The following LRRC4C variants were observed in gnomAD, a reference collection of about 807,000 sequenced individuals.
LRRC4C encodes leucine-rich repeat-containing protein 4C.
In LRRC4C, 5 loss-of-function variants were observed where a neutral mutation model predicts 33.6. The observed-to-expected ratio is 0.15, with a 90% CI of 0.08 to 0.31. LRRC4C has a LOEUF of 0.31. Ranked by LOEUF, LRRC4C falls within the 10% of genes least tolerant of loss-of-function variation. The pLI is 1.00. For missense variants in LRRC4C, 560 were observed against 796.7 expected, an observed-to-expected ratio of 0.70 and a Z score of 3.58; for synonymous variants, 329 against 302.0, an observed-to-expected ratio of 1.09 and a Z score of -0.93.
intron 1 of LRRC4C, among the ~76,000 whole-genome samples, chr11:41,157,263 A>G (rs1312525477): frequency 6.6e-6 from 1 of 152,134 alleles, no homozygotes. Context: ...ATAAGGCAGG[A>G]TGCATGATAG....
chr11:40,278,702 G>A (rs1274821688), intron 4 of LRRC4C, among the ~76,000 whole-genome samples: 1 of 152,106 alleles, frequency 6.6e-6, no homozygotes, highest in Non-Finnish European at 1.5e-5. Flanking sequence ...TTACAGAGAA[G>A]TACAAATAAA....
chr11:40,153,542 A>T (rs560162436), intron 5 of LRRC4C, among the ~76,000 whole-genome samples: 2 of 151,906 alleles, frequency 1.3e-5, no homozygotes, highest in Non-Finnish European at 2.9e-5. Flanking sequence ...ACAAAAAATG[A>T]TATTAAGAAG....
At chr11:41,214,808 T>A (rs948757518) in intron 1 of LRRC4C, among the ~76,000 whole-genome samples, 1 of 146,512 alleles carries the variant, frequency 6.8e-6, no homozygotes, top group African/African-American at 2.5e-5. Context: ...TATATATGTG[T>A]GTGTGTATAT....
At chr11:40,482,612 G>C (rs1953638927) in intron 3 of LRRC4C, among the ~76,000 whole-genome samples, 2 of 152,036 alleles carry the variant, frequency 1.3e-5, no homozygotes, top group Admixed American at 1.3e-4. Context: ...TGGGACTACA[G>C]GCATGCATCC....
intron 3 of LRRC4C, among the ~76,000 whole-genome samples, chr11:40,488,437 C>G (rs1307032938): frequency 6.6e-6 from 1 of 152,058 alleles, no homozygotes; most frequent in Admixed American, 6.6e-5. Flanking sequence ...GAAATAGAGT[C>G]TTTTTTATCA....
intron 1 of LRRC4C, among the ~76,000 whole-genome samples, chr11:41,229,106 G>A (rs541294712): frequency 6.6e-6 from 1 of 152,026 alleles, no homozygotes; most frequent in East Asian, 1.9e-4. Flanking sequence ...ACCTTCATGG[G>A]GGTCATTATG....
At chr11:40,620,910 T>C (rs1962387027) in intron 3 of LRRC4C, among the ~76,000 whole-genome samples, 1 of 151,764 alleles carries the variant, frequency 6.6e-6, no homozygotes, top group Non-Finnish European at 1.5e-5. Context: ...TTCACAGCTG[T>C]CTTTCAGAGA....
chr11:40,552,100 A>C lies in LRRC4C; in HGVS notation c.-270+96042T>G, dbSNP rs12285493. ...GCTTGTCCCTGGGTCTCCAGCCTGC[A>C]GGCCTACCTTGCATATTTTGGACTT... On this transcript the variant is annotated intron_variant, in intron 3 of 6. Coordinates refer to ENST00000528697, the MANE Select transcript of LRRC4C (RefSeq NM_001258419.2). Among the ~76,000 whole-genome samples the C allele has an allele frequency of 6.8e-3, 1,042 of 152,318 alleles. 19 individuals are homozygous for C. The highest frequency in any genetic ancestry group is 0.024 in the African/African-American group (998 of 41,576).
chr11:40,637,043 C>A (rs1941794755), intron 3 of LRRC4C, among the ~76,000 whole-genome samples: 1 of 152,204 alleles, frequency 6.6e-6, no homozygotes, highest in Admixed American at 6.5e-5. Context: ...GCCCCCAGAG[C>A]AGCAAGGCTT....
chr11:40,400,402 A>G (rs1949713767), intron 3 of LRRC4C, among the ~76,000 whole-genome samples: 1 of 152,058 alleles, frequency 6.6e-6, no homozygotes, highest in African/African-American at 2.4e-5. Flanking sequence ...TAAAATTACA[A>G]TATATTTAAA....
At chr11:40,812,890 A>G (rs960737285) in intron 2 of LRRC4C, among the ~76,000 whole-genome samples, 1 of 152,210 alleles carries the variant, frequency 6.6e-6, no homozygotes, top group African/African-American at 2.4e-5. Flanking sequence ...AGTGAATCTG[A>G]AAGAGAAACA....
At chr11:41,209,958 G>A (rs1288222573) in intron 1 of LRRC4C, among the ~76,000 whole-genome samples, 1 of 152,054 alleles carries the variant, frequency 6.6e-6, no homozygotes, top group African/African-American at 2.4e-5. Flanking sequence ...GAGACTAAGA[G>A]ACACCAGATA....
chr11:40,843,434 C>T (rs1953007141), intron 2 of LRRC4C, among the ~76,000 whole-genome samples: 2 of 152,226 alleles, frequency 1.3e-5, no homozygotes, highest in South Asian at 2.1e-4. Context: ...TTTTTCATCT[C>T]ACCTGAGCCA....
intron 2 of LRRC4C, among the ~76,000 whole-genome samples, chr11:40,663,430 T>C (rs915336215): frequency 1.3e-5 from 2 of 152,170 alleles, no homozygotes; most frequent in Non-Finnish European, 2.9e-5. Flanking sequence ...TTAATTGTGG[T>C]TTGAATTTCT....
chr11:40,453,782 T>A (rs918966466), intron 3 of LRRC4C, among the ~76,000 whole-genome samples: 5 of 152,124 alleles, frequency 3.3e-5, no homozygotes, highest in African/African-American at 1.2e-4. Context: ...AGAAAAATAG[T>A]GATTGTTTAG....
chr11:41,052,626 G>A (rs563991788), intron 1 of LRRC4C, among the ~76,000 whole-genome samples: 3 of 152,102 alleles, frequency 2.0e-5, no homozygotes, highest in South Asian at 2.1e-4. Context: ...AAAATCTCAT[G>A]TCTCTGCTAT....
At chr11:40,609,453 A>G (rs1960972365) in intron 3 of LRRC4C, among the ~76,000 whole-genome samples, 1 of 152,166 alleles carries the variant, frequency 6.6e-6, no homozygotes, top group East Asian at 1.9e-4. Flanking sequence ...TTTAAAAAAG[A>G]AGAAATATCT....
At chr11:41,169,135 C>T (rs1040616799) in intron 1 of LRRC4C, among the ~76,000 whole-genome samples, 7 of 152,150 alleles carry the variant, frequency 4.6e-5, no homozygotes, top group African/African-American at 1.4e-4. Flanking sequence ...AAAAGGGTTT[C>T]AAGGTCTGTT....
chr11:40,880,617 T>A (rs1319107740), intron 2 of LRRC4C, among the ~76,000 whole-genome samples: 2 of 150,966 alleles, frequency 1.3e-5, no homozygotes, highest in Non-Finnish European at 2.9e-5. Context: ...ACATATCAAA[T>A]TATTCTTGAT....
Sources: gnomAD v4.1 joint callset for allele counts (sites outside exome capture counted in the v4.1 genomes callset) on GRCh38, gnomAD v4.1.1 for gene constraint, MANE v1.5 for transcripts, NCBI Gene and HGNC (gene_info 2026-07-23, HGNC 2026-07-21) for gene names.